SUGCT: variants seen among roughly 807,000 people sequenced by gnomAD.
SUGCT encodes succinyl-CoA:glutarate CoA-transferase.
Under a neutral mutation model 55.0 loss-of-function variants are expected in SUGCT, and 41 were observed. The observed-to-expected ratio is 0.74, with a 90% CI of 0.58 to 0.97. The LOEUF (loss-of-function observed/expected upper bound fraction) is 0.97, where lower values mean the gene tolerates loss of function less well. Among genes scored for constraint, SUGCT ranks in the 50% least tolerant of loss-of-function variants. The pLI is 0.00. For synonymous variants in SUGCT, 187 were observed against 200.4 expected (o/e 0.93, Z 0.56); for missense variants, 568 against 547.8 (o/e 1.04, Z -0.37).
At chr7:40,661,662 C>G (rs1275196618) in intron 12 of SUGCT, among the ~76,000 whole-genome samples, 4 of 152,166 alleles carry the variant, frequency 2.6e-5, no homozygotes, top group African/African-American at 9.7e-5. Flanking sequence ...ACCAGATCCC[C>G]ATTGATCTAT....
At chr7:40,169,128 T>C (rs1784555087) in intron 1 of SUGCT, among the ~76,000 whole-genome samples, 1 of 152,134 alleles carries the variant, frequency 6.6e-6, no homozygotes, top group Non-Finnish European at 1.5e-5. Context: ...TTAGAGTCTG[T>C]ATATATATTT....
At chr7:40,824,351 T>C (rs977439057) in intron 13 of SUGCT, among the ~76,000 whole-genome samples, 1 of 151,978 alleles carries the variant, frequency 6.6e-6, no homozygotes, top group Non-Finnish European at 1.5e-5. Context: ...TATATAAAGG[T>C]AAATGGGTAT....
At chr7:40,836,388 G>A (rs1243512614) in intron 13 of SUGCT, among the ~76,000 whole-genome samples, 1 of 152,150 alleles carries the variant, frequency 6.6e-6, no homozygotes, top group African/African-American at 2.4e-5. Flanking sequence ...GTAACACCTT[G>A]CGTAACTATA....
chr7:40,367,982 A>C (rs796497648), intron 9 of SUGCT, among the ~76,000 whole-genome samples: 13 of 151,380 alleles, frequency 8.6e-5, no homozygotes, highest in African/African-American at 3.2e-4. Context: ...TAGATGAGTC[A>C]CTCCTCTTCT....
chr7:40,790,549 C>T (rs1305726106), intron 13 of SUGCT, among the ~76,000 whole-genome samples: 1 of 152,186 alleles, frequency 6.6e-6, no homozygotes, highest in African/African-American at 2.4e-5. Context: ...AGGCCTAACT[C>T]AGATCAAAGA....
At chr7:40,586,327 T>A (rs1244820753) in intron 12 of SUGCT, among the ~76,000 whole-genome samples, 2 of 152,192 alleles carry the variant, frequency 1.3e-5, no homozygotes, top group African/African-American at 4.8e-5. Context: ...ACTTGAAGTG[T>A]GGCTTCTGTG....
chr7:40,180,408 A>G (rs1785132335), intron 1 of SUGCT, among the ~76,000 whole-genome samples: 3 of 151,810 alleles, frequency 2.0e-5, no homozygotes, highest in African/African-American at 4.8e-5. Context: ...GTGAGCCACC[A>G]TACCTGGCCT....
the SUGCT span, among the ~76,000 whole-genome samples, chr7:40,875,444 G>C: frequency 6.6e-6 from 1 of 152,100 alleles, no homozygotes; most frequent in Non-Finnish European, 1.5e-5. Flanking sequence ...CCATGGCATT[G>C]ATGAGGCCAT....
the SUGCT span, among the ~76,000 whole-genome samples, chr7:40,945,595 G>A: frequency 6.6e-6 from 1 of 152,218 alleles, no homozygotes; most frequent in South Asian, 2.1e-4. Context: ...TGACTGTTGG[G>A]GTAGAACTGT....
intron 12 of SUGCT, among the ~76,000 whole-genome samples, chr7:40,634,586 T>C (rs192122159): frequency 9.0e-4 from 137 of 152,178 alleles, no homozygotes; most frequent in African/African-American, 3.2e-3. Context: ...GTAGGCAAGT[T>C]TAGAAAGAGA....
At chr7:40,370,239 A>G (rs1784224843) in intron 9 of SUGCT, among the ~76,000 whole-genome samples, 1 of 152,174 alleles carries the variant, frequency 6.6e-6, no homozygotes, top group Admixed American at 6.6e-5. Context: ...GAACGCCTAG[A>G]AAAGATAGGC....
intron 13 of SUGCT, among the ~76,000 whole-genome samples, chr7:40,784,462 G>C (rs367735115): frequency 6.6e-6 from 1 of 152,028 alleles, no homozygotes; most frequent in Non-Finnish European, 1.5e-5. Context: ...ACATTACTGG[G>C]GATTACATTC....
At chr7:40,993,398 C>A in the SUGCT span, among the ~76,000 whole-genome samples, 1 of 152,098 alleles carries the variant, frequency 6.6e-6, no homozygotes, top group African/African-American at 2.4e-5. Flanking sequence ...GAGCTGAATG[C>A]GAGAGGCTTA....
At chr7:40,541,785 T>C (rs992946055) in intron 12 of SUGCT, among the ~76,000 whole-genome samples, 21 of 152,218 alleles carry the variant, frequency 1.4e-4, no homozygotes, top group Admixed American at 4.6e-4. Flanking sequence ...AATTATAATG[T>C]TCCATTAAAT....
At chr7:40,768,213 A>T (rs1400586285) in intron 13 of SUGCT, among the ~76,000 whole-genome samples, 2 of 152,128 alleles carry the variant, frequency 1.3e-5, no homozygotes, top group African/African-American at 2.4e-5. Context: ...TTCCATAGTC[A>T]GGGGCCTCAG....
At chr7:40,711,274 C>T (rs1164035335) in intron 12 of SUGCT, among the ~76,000 whole-genome samples, 8 of 152,128 alleles carry the variant, frequency 5.3e-5, no homozygotes, top group African/African-American at 9.7e-5. Context: ...CACTTTGGGA[C>T]GCTGAGGTGG....
intron 1 of SUGCT, among the ~76,000 whole-genome samples, chr7:40,150,626 C>T (rs1431119582): frequency 6.6e-6 from 1 of 151,736 alleles, no homozygotes; most frequent in African/African-American, 2.4e-5. Context: ...GAGTCGAGAT[C>T]AGCCATTGCA....
chr7:40,678,838 C>G (rs1419357908), intron 12 of SUGCT, among the ~76,000 whole-genome samples: 1 of 152,058 alleles, frequency 6.6e-6, no homozygotes, highest in African/African-American at 2.4e-5. Flanking sequence ...GTTTGTTTGC[C>G]CTGGGCTTTT....
intron 6 of SUGCT, among the ~76,000 whole-genome samples, chr7:40,219,603 T>C (rs1360458224): frequency 1.3e-5 from 2 of 152,134 alleles, no homozygotes; most frequent in Non-Finnish European, 2.9e-5. Flanking sequence ...GACCAGGCCA[T>C]GTGAATGGAG....
Sources: allele counts gnomAD v4.1 joint callset (sites outside exome capture counted in the v4.1 genomes callset), GRCh38; gene constraint gnomAD v4.1.1; transcripts MANE v1.5; gene names NCBI Gene and HGNC (gene_info 2026-07-23, HGNC 2026-07-21).